The following CNTNAP3 variants were observed in gnomAD, a reference collection of about 807,000 sequenced individuals.
CNTNAP3 encodes the protein contactin associated protein family member 3, also known as contactin-associated protein-like 3.
Under a neutral mutation model 92.1 loss-of-function variants are expected in CNTNAP3, and 36 were observed. The ratio of observed to expected loss-of-function variants is 0.39; its 90% CI spans 0.30 to 0.52. CNTNAP3 has a LOEUF of 0.52. CNTNAP3 is among the 20% of genes least tolerant of loss of function. The pLI, the probability that CNTNAP3 is intolerant of heterozygous loss-of-function variation, is 0.76. For missense variants in CNTNAP3, 534 were observed against 1,069.6 expected (o/e 0.50, Z 6.98); for synonymous variants, 232 against 422.3 (o/e 0.55, Z 5.53).
chr9:39,149,445 G>A (rs567339219), intron 10 of CNTNAP3, among the ~76,000 whole-genome samples: 8 of 151,918 alleles, frequency 5.3e-5, no homozygotes, highest in Non-Finnish European at 1.2e-4. Context: ...CACCTCCCGG[G>A]TTCACGCCAT....
In CNTNAP3 at chr9:39,118,383, C is replaced by A. The variant is rs546204084; in HGVS notation, c.2081-124G>T. Reference sequence around the variant, plus strand: ...AGAGACAGAGAGAGAGAAAATGAAACTATACTTAAATACTTGTATTTTACC... The same window carrying A: ...AGAGACAGAGAGAGAGAAAATGAAAATATACTTAAATACTTGTATTTTACC... On this transcript the variant is annotated intron_variant, in intron 13 of 23. Coordinates refer to ENST00000297668, the MANE Select transcript of CNTNAP3 (RefSeq NM_033655.5). 43 of 1,363,452 alleles carry A rather than the reference C, an allele frequency of 3.2e-5. No individual in the cohort carries two copies. The East Asian group carries it at 9.8e-4, about 31-fold the overall frequency. The allele number at this position is 1,363,452 out of a possible 1,614,324, so 84.5% of individuals were successfully genotyped here. A position where few individuals can be genotyped will look rare whatever the true frequency, so the allele number is the denominator to read the frequency against.
intron 14 of CNTNAP3, among the ~76,000 whole-genome samples, chr9:39,111,978 C>T (rs1437790115): frequency 6.6e-6 from 1 of 151,876 alleles, no homozygotes; most frequent in Non-Finnish European, 1.5e-5. Context: ...ATAGAATACT[C>T]AGGATTTGTC....
chr9:39,083,868 T>C lies in CNTNAP3; in HGVS notation c.3442+1868A>G, dbSNP rs1031861217. On this transcript the variant is annotated intron_variant, in intron 21 of 23. Transcript: ENST00000297668. ...ATTCAAAATCTAAAAAGCTTATATT[T>C]AAATAGGTTTACTCTGAATTGATCT... Among the ~76,000 whole-genome samples, 17 of 151,138 alleles carry C rather than the reference T, an allele frequency of 1.1e-4. 1 individual carries two copies. In the Middle Eastern group the frequency reaches 0.01, roughly 91 times the overall value.
intron 12 of CNTNAP3, among the ~76,000 whole-genome samples, chr9:39,135,653 G>T (rs1156849246): frequency 6.6e-6 from 1 of 152,114 alleles, no homozygotes; most frequent in Non-Finnish European, 1.5e-5. Flanking sequence ...AATTAAAAAT[G>T]CACTTTAATA....
intron 2 of CNTNAP3, among the ~76,000 whole-genome samples, chr9:39,259,042 G>C (rs533470093): frequency 0.018 from 381 of 20,842 alleles, 170 homozygotes; most frequent in Middle Eastern, 0.067. Flanking sequence ...TTCCTAGTCC[G>C]TAACAGCGGC....
intron 13 of CNTNAP3, among the ~76,000 whole-genome samples, chr9:39,124,845 A>G (rs1473685585): frequency 5.3e-5 from 8 of 152,164 alleles, no homozygotes; most frequent in African/African-American, 9.7e-5. Context: ...GATCATTAAA[A>G]AGTCAGGAAA....
Position 39,084,342 on chromosome 9 carries a change from G to A in CNTNAP3, c.3442+1394C>T, listed in dbSNP as rs1472816774. 4.0e-5 allele frequency among the ~76,000 whole-genome samples: 6 copies of A among 151,660 alleles called. 1 individual carries two copies. The highest frequency in any genetic ancestry group is 5.9e-5 in the Non-Finnish European group (4 of 67,932). ...CGAGTAGCTGGGACTACAGGCGCCC[G>A]CCACCATGCCCGGCTAATTTTTTTT... On this transcript the variant is annotated intron_variant, in intron 21 of 23. Transcript: ENST00000297668.
intron 11 of CNTNAP3, among the ~76,000 whole-genome samples, chr9:39,140,848 CT>C (rs1355309147): frequency 2.0e-5 from 3 of 151,906 alleles, no homozygotes; most frequent in Non-Finnish European, 4.4e-5. Context: ...AAAAAATTAC[CT>C]AGTCAAAATA....
Position 39,149,953 on chromosome 9 carries a change from G to A in CNTNAP3, c.1502C>T (p.Ser501Phe). The A allele has an allele frequency of 1.2e-6, 2 of 1,611,866 alleles. No homozygotes were observed. The highest frequency in any genetic ancestry group is 1.7e-6 in the Non-Finnish European group (2 of 1,179,800). The change falls in exon 10 of 24, where the codon TCT (serine) becomes TTT (phenylalanine). Residue 501 changes from serine to phenylalanine, a missense_variant. Coordinates refer to ENST00000297668, the MANE Select transcript of CNTNAP3 (RefSeq NM_033655.5). ...CCCTCCCAGGGGGCTTTTACATCCA[G>A]AGCCAGAGCTGTTGTCCAGGCAGCC... ...FGGCLDNSSG[S>F]GCKSPLGGFQ...
At chr9:39,111,774 C>T (rs569464728) in intron 14 of CNTNAP3, among the ~76,000 whole-genome samples, 189 of 152,172 alleles carry the variant, frequency 1.2e-3, no homozygotes, top group African/African-American at 4.3e-3. Flanking sequence ...ATTTTCAATA[C>T]TGACTGTGCA....
chr9:39,125,627 G>A (rs533956455), intron 13 of CNTNAP3, among the ~76,000 whole-genome samples: 7 of 152,260 alleles, frequency 4.6e-5, no homozygotes, highest in Admixed American at 2.0e-4. Flanking sequence ...GATTTGAAGA[G>A]CTAGAGAAAG....
At chr9:39,121,369 C>T (rs548533386) in intron 13 of CNTNAP3, among the ~76,000 whole-genome samples, 92 of 152,094 alleles carry the variant, frequency 6.0e-4, no homozygotes, top group African/African-American at 1.8e-3. Flanking sequence ...AAACAATACA[C>T]CCTTAAAAAA....
intron 20 of CNTNAP3, chr9:39,086,301 G>T: frequency 4.3e-6 from 1 of 232,078 alleles, no homozygotes. Flanking sequence ...TATGTTGTGT[G>T]CTTTTAAACC....
chr9:39,076,883 G>A (rs1185426089), intron 23 of CNTNAP3, among the ~76,000 whole-genome samples: 2 of 152,300 alleles, frequency 1.3e-5, no homozygotes, highest in African/African-American at 4.8e-5. Flanking sequence ...CAGGAGAATG[G>A]GAGGCGGAGC....
rs1395859659 is a variant in CNTNAP3 at position 39,069,098 on chromosome 9, T to A, written c.*4792A>T. Among the ~76,000 whole-genome samples the A allele has an allele frequency of 6.6e-6, 1 of 152,242 alleles. No homozygotes were observed. Among genetic ancestry groups the A allele is most frequent in the Non-Finnish European group, 1.5e-5 (1 of 68,040 alleles). ...AACAAGAAGTAAATTTAGCTATCAATTATGTTTACTCACTGCAGATTAAGA... is the reference window on the plus strand; with the variant it reads ...AACAAGAAGTAAATTTAGCTATCAAATATGTTTACTCACTGCAGATTAAGA... On this transcript the variant is annotated 3_prime_UTR_variant, in exon 24 of 24. Coordinates refer to ENST00000297668, the MANE Select transcript of CNTNAP3 (RefSeq NM_033655.5).
At position 39,123,091 on chromosome 9, in the gene CNTNAP3, A is replaced by ATT. The variant is rs773238134; in HGVS notation, c.2081-4834_2081-4833dup. On this transcript the variant is annotated intron_variant, in intron 13 of 23. Coordinates refer to ENST00000297668, the MANE Select transcript of CNTNAP3 (RefSeq NM_033655.5). Reference sequence around the variant, plus strand: ...ATAATATCCAAACTGTTGGACAATAATTTTTTTTTTTTTTTTTTTTTGAGA... The same window carrying ATT: ...ATAATATCCAAACTGTTGGACAATAATTTTTTTTTTTTTTTTTTTTTTTGAGA... Among the ~76,000 whole-genome samples, 163 of 129,794 alleles carry ATT rather than the reference A, an allele frequency of 1.3e-3. 1 individual carries two copies. The highest frequency in any genetic ancestry group is 4.0e-3 in the Middle Eastern group (1 of 250). 85.1% of individuals were successfully genotyped at this position (129,794 alleles called of 152,430 possible). A position where few individuals can be genotyped will look rare whatever the true frequency, so the allele number is the denominator to read the frequency against.
chr9:39,093,982 CAA>C (rs1187080852), intron 18 of CNTNAP3, among the ~76,000 whole-genome samples: 2 of 151,322 alleles, frequency 1.3e-5, no homozygotes, highest in East Asian at 3.9e-4. Context: ...CCACCAGTAA[CAA>C]AAGAGAGTTC....
chr9:39,122,068 C>T (rs1377156467), intron 13 of CNTNAP3, among the ~76,000 whole-genome samples: 4 of 152,110 alleles, frequency 2.6e-5, no homozygotes, highest in East Asian at 1.9e-4. Flanking sequence ...GTACAGGATG[C>T]TTCTGGCCGG....
chr9:39,147,266 T>A (rs186404691), intron 10 of CNTNAP3, among the ~76,000 whole-genome samples: 1 of 149,714 alleles, frequency 6.7e-6, no homozygotes. Flanking sequence ...ACAATTAGAT[T>A]TTTGTTTGTT....
Sources: gnomAD v4.1 joint callset for allele counts (sites outside exome capture counted in the v4.1 genomes callset) on GRCh38, gnomAD v4.1.1 for gene constraint, MANE v1.5 for transcripts, NCBI Gene and HGNC (gene_info 2026-07-23, HGNC 2026-07-21) for gene names.